Variants in KCNN3 observed in about 807,000 individuals in gnomAD.
KCNN3 encodes potassium calcium-activated channel subfamily N member 3.
Under a neutral mutation model 62.9 loss-of-function variants are expected in KCNN3, and 16 were observed. The observed-to-expected ratio is 0.25, with a 90% confidence interval of 0.17 to 0.39. The LOEUF (loss-of-function observed/expected upper bound fraction) is 0.39. Among genes scored for constraint, KCNN3 ranks in the 10% least tolerant of loss-of-function variants. The pLI is 1.00. For missense variants in KCNN3, 599 were observed against 949.4 expected (o/e 0.63, Z 4.85); for synonymous variants, 370 against 389.2 (o/e 0.95, Z 0.58).
At chr1:154,726,788 G>T (rs1313484942) in intron 4 of KCNN3, among the ~76,000 whole-genome samples, 1 of 152,146 alleles carries the variant, frequency 6.6e-6, no homozygotes, top group African/African-American at 2.4e-5. Flanking sequence ...AAGTGAGCCC[G>T]CAGCAGACCC....
intron 7 of KCNN3, among the ~76,000 whole-genome samples, chr1:154,710,796 C>A (rs1198135769): frequency 6.6e-6 from 1 of 152,162 alleles, no homozygotes; most frequent in African/African-American, 2.4e-5. Flanking sequence ...CAATGAGATA[C>A]CATCTCATAC....
chr1:154,729,182 T>C (rs887809672), intron 4 of KCNN3, among the ~76,000 whole-genome samples: 5 of 151,882 alleles, frequency 3.3e-5, no homozygotes, highest in African/African-American at 1.2e-4. Flanking sequence ...TGGGAAAGGG[T>C]AAACAGCTGC....
At chr1:154,735,070 C>A (rs955254481) in intron 3 of KCNN3, among the ~76,000 whole-genome samples, 1 of 152,092 alleles carries the variant, frequency 6.6e-6, no homozygotes, top group Non-Finnish European at 1.5e-5. Flanking sequence ...GTCTTAGAGG[C>A]CTTAGAAGAG....
At chr1:154,722,551 C>G (rs1700377022) in intron 5 of KCNN3, among the ~76,000 whole-genome samples, 1 of 151,414 alleles carries the variant, frequency 6.6e-6, no homozygotes, top group African/African-American at 2.4e-5. Context: ...CTACGCCCGG[C>G]TAATTTTTTT....
intron 2 of KCNN3, among the ~76,000 whole-genome samples, chr1:154,807,932 A>G (rs1443569844): frequency 6.6e-6 from 1 of 152,056 alleles, no homozygotes; most frequent in Non-Finnish European, 1.5e-5. Flanking sequence ...AGGGAGATTC[A>G]TCCACCATTC....
chr1:154,780,816 T>G (rs1220430907), intron 2 of KCNN3, among the ~76,000 whole-genome samples: 1 of 151,930 alleles, frequency 6.6e-6, no homozygotes, highest in Non-Finnish European at 1.5e-5. Flanking sequence ...TCCATGGAAC[T>G]AGAGGAAGAA....
intron 1 of KCNN3, chr1:154,868,176 G>A (rs962469539): frequency 6.1e-6 from 6 of 985,412 alleles, no homozygotes; most frequent in African/African-American, 1.7e-5. Context: ...GGACCGCCTG[G>A]GAAGCCCTGT....
chr1:154,858,424 C>A (rs139358027), intron 1 of KCNN3, among the ~76,000 whole-genome samples: 1 of 152,224 alleles, frequency 6.6e-6, no homozygotes, highest in Non-Finnish European at 1.5e-5. Flanking sequence ...GGGGCCGCTG[C>A]GCAAGGCCAC....
intron 3 of KCNN3, among the ~76,000 whole-genome samples, chr1:154,767,736 C>T (rs553756919): frequency 3.2e-4 from 48 of 152,312 alleles, no homozygotes; most frequent in Middle Eastern, 3.4e-3. Flanking sequence ...TGTCAGGCCT[C>T]GGAACCCATG....
At chr1:154,839,617 CAGTG>C (rs1362446594) in intron 1 of KCNN3, among the ~76,000 whole-genome samples, 16 of 152,154 alleles carry the variant, frequency 1.1e-4, no homozygotes, top group African/African-American at 3.6e-4. Flanking sequence ...GAGTGCTCCA[CAGTG>C]AGTGAGGGTT....
intron 2 of KCNN3, among the ~76,000 whole-genome samples, chr1:154,821,783 G>A (rs956900163): frequency 7.2e-5 from 11 of 152,322 alleles, no homozygotes; most frequent in African/African-American, 9.6e-5. Context: ...GGCTCTCCCG[G>A]TCCGATGGTG....
intron 7 of KCNN3, among the ~76,000 whole-genome samples, chr1:154,712,501 A>G (rs1205372032): frequency 6.6e-6 from 1 of 152,052 alleles, no homozygotes; most frequent in African/African-American, 2.4e-5. Flanking sequence ...CCTTTATTAA[A>G]CAAGGCACCT....
chr1:154,851,788 C>T (rs556115078), intron 1 of KCNN3, among the ~76,000 whole-genome samples: 1 of 152,228 alleles, frequency 6.6e-6, no homozygotes, highest in African/African-American at 2.4e-5. Flanking sequence ...CTGGCTTGAC[C>T]CTCCCTGTCT....
chr1:154,785,390 G>A (rs941647127), intron 2 of KCNN3, among the ~76,000 whole-genome samples: 3 of 152,054 alleles, frequency 2.0e-5, no homozygotes, highest in African/African-American at 7.2e-5. Context: ...TGGGCAGGGA[G>A]TGTTTGTTTT....
chr1:154,801,445 C>T (rs1458120104), intron 2 of KCNN3, among the ~76,000 whole-genome samples: 2 of 152,120 alleles, frequency 1.3e-5, no homozygotes, highest in South Asian at 2.1e-4. Flanking sequence ...CCTGTGCTGG[C>T]GGCTCTGAAG....
At chr1:154,739,210 C>T (rs376376083) in intron 3 of KCNN3, among the ~76,000 whole-genome samples, 2 of 152,216 alleles carry the variant, frequency 1.3e-5, no homozygotes, top group African/African-American at 4.8e-5. Flanking sequence ...ATTGACTCTA[C>T]AGTGTATGCA....
intron 2 of KCNN3, among the ~76,000 whole-genome samples, chr1:154,796,059 A>G (rs557859004): frequency 6.6e-6 from 1 of 152,310 alleles, no homozygotes; most frequent in South Asian, 2.1e-4. Flanking sequence ...GGTGGTGCAG[A>G]AAGGGTGAGG....
chr1:154,762,717 T>A (rs1022083654), intron 3 of KCNN3, among the ~76,000 whole-genome samples: 4 of 152,230 alleles, frequency 2.6e-5, no homozygotes, highest in Non-Finnish European at 5.9e-5. Flanking sequence ...ATTTTATGCT[T>A]AACAGTTCTT....
intron 2 of KCNN3, among the ~76,000 whole-genome samples, chr1:154,800,464 C>T (rs12062915): frequency 7.9e-4 from 120 of 152,288 alleles, no homozygotes; most frequent in African/African-American, 2.8e-3. Flanking sequence ...ATCTTTCTGG[C>T]CCAAACCCTC....
Sources: allele counts gnomAD v4.1 joint callset (sites outside exome capture counted in the v4.1 genomes callset), GRCh38; gene constraint gnomAD v4.1.1; transcripts MANE v1.5; gene names NCBI Gene and HGNC (gene_info 2026-07-23, HGNC 2026-07-21).